CACNA1C: variants seen among roughly 807,000 people sequenced by gnomAD.
CACNA1C encodes voltage-dependent L-type calcium channel subunit alpha-1C.
A neutral mutation model predicts 229.0 loss-of-function variants in CACNA1C; 30 were observed. The ratio of observed to expected loss-of-function variants is 0.13; its 90% CI spans 0.10 to 0.18. The LOEUF is 0.18. CACNA1C is among the 10% of genes least tolerant of loss of function. CACNA1C has a pLI of 1.00. For synonymous variants in CACNA1C, 1,114 were observed against 1,132.5 expected (o/e 0.98, Z 0.33); for missense variants, 1,658 against 2,845.0 (o/e 0.58, Z 9.49).
chr12:2,522,737 G>A (rs564802571), intron 9 of CACNA1C, among the ~76,000 whole-genome samples: 1 of 152,258 alleles, frequency 6.6e-6, no homozygotes, highest in East Asian at 1.9e-4. Context: ...GGGGGCAGAG[G>A]AAGGACAGGG....
chr12:2,139,744 T>C (rs1287617606), intron 3 of CACNA1C, among the ~76,000 whole-genome samples: 3 of 151,252 alleles, frequency 2.0e-5, no homozygotes, highest in East Asian at 1.9e-4. Context: ...TTAGCACCAA[T>C]GCCTCCTCAT....
At position 2,161,034 on chromosome 12, in the gene CACNA1C, C is replaced by G. The variant is rs150688024; in HGVS notation, c.477+40604C>G. Reference sequence around the variant, plus strand: ...ACAGGGTTTCACCATGTTAGCCAGACTGGTCTCGAACTTCTGGCCTCGTGA... The same window carrying G: ...ACAGGGTTTCACCATGTTAGCCAGAGTGGTCTCGAACTTCTGGCCTCGTGA... On this transcript the variant is annotated intron_variant, in intron 3 of 46. Transcript: ENST00000399655. 2.5e-3 allele frequency among the ~76,000 whole-genome samples: 374 copies of G among 152,352 alleles called. 2 individuals carry two copies. The highest frequency in any genetic ancestry group is 8.6e-3 in the African/African-American group (357 of 41,582).
chr12:2,523,473 C>T (rs561153277), intron 9 of CACNA1C, among the ~76,000 whole-genome samples: 5 of 152,194 alleles, frequency 3.3e-5, no homozygotes, highest in Admixed American at 3.3e-4. Flanking sequence ...TTGGCAAGTA[C>T]GGTGTGAGGA....
intron 3 of CACNA1C, among the ~76,000 whole-genome samples, chr12:2,244,141 A>G (rs2154377466): frequency 6.6e-6 from 1 of 152,340 alleles, no homozygotes; most frequent in Admixed American, 6.5e-5. Flanking sequence ...GCTCAGATTC[A>G]TCTATCTGTT....
At chr12:2,327,263 C>A (rs186572428) in intron 3 of CACNA1C, among the ~76,000 whole-genome samples, 7 of 152,248 alleles carry the variant, frequency 4.6e-5, no homozygotes, top group Admixed American at 2.6e-4. Flanking sequence ...CTCAATTTTC[C>A]GCTAGCTTTG....
rs3062140 is a variant in CACNA1C at position 2,602,630 on chromosome 12, TTG to T, written c.2960+709_2960+710del. 0.063 allele frequency among the ~76,000 whole-genome samples: 8,924 copies of T among 140,742 alleles called. 313 individuals are homozygous for T. Among genetic ancestry groups the T allele is most frequent in the East Asian group, 0.14 (649 of 4,718 alleles). The allele number at this position is 140,742 out of a possible 152,430, so 92.3% of individuals were successfully genotyped here. On this transcript the variant is annotated intron_variant, in intron 22 of 46. Coordinates refer to ENST00000399655, the MANE Select transcript of CACNA1C (RefSeq NM_000719.7). The surrounding 1 kb of genome is among the most constrained non-coding windows in gnomAD (Gnocchi z 4.4). ...GTGTGTGACTGTGTATATTTGTGTCTTGTGTGTGTGTGTGTGTGTGTGTGTGT... is the reference window on the plus strand; with the variant it reads ...GTGTGTGACTGTGTATATTTGTGTCTTGTGTGTGTGTGTGTGTGTGTGTGT...
At chr12:2,366,035 A>C (rs2097710648) in intron 3 of CACNA1C, among the ~76,000 whole-genome samples, 1 of 152,252 alleles carries the variant, frequency 6.6e-6, no homozygotes, top group Admixed American at 6.5e-5. Flanking sequence ...ATTAATTTTT[A>C]ATGTTCCAAG....
chr12:2,668,865 C>T, intron 37 of CACNA1C, 68 bp from the exon 38 acceptor site: 1 of 991,672 alleles, frequency 1.0e-6, no homozygotes, highest in East Asian at 2.4e-5. Context: ...ATCACTCTGC[C>T]ACGGTGTTCT....
At chr12:2,121,187 A>G (rs1205323485) in intron 3 of CACNA1C, among the ~76,000 whole-genome samples, 1 of 152,166 alleles carries the variant, frequency 6.6e-6, no homozygotes, top group African/African-American at 2.4e-5. Flanking sequence ...CTCCCCCTCC[A>G]TTGCAGAGAC....
intron 3 of CACNA1C, among the ~76,000 whole-genome samples, chr12:2,176,678 C>T (rs2096654971): frequency 6.6e-6 from 1 of 152,102 alleles, no homozygotes; most frequent in Non-Finnish European, 1.5e-5. Flanking sequence ...AATTCCTAGG[C>T]ATAGCATTCT....
chr12:2,424,555 A>C (rs1251593352), intron 3 of CACNA1C, among the ~76,000 whole-genome samples: 2 of 152,160 alleles, frequency 1.3e-5, no homozygotes, highest in Non-Finnish European at 2.9e-5. Flanking sequence ...ACTTTGCAGA[A>C]AGCTCAGGCC....
In CACNA1C at chr12:2,486,485, C is replaced by T. The variant is rs530114828; in HGVS notation, c.916+223C>T. On this transcript the variant is annotated intron_variant, in intron 6 of 46. Coordinates refer to ENST00000399655, the MANE Select transcript of CACNA1C (RefSeq NM_000719.7). This position sits in a 1 kb window ranked among gnomAD's most constrained non-coding sequence, Gnocchi z 4.9. ...TGTTAAACCGGCCTAACGCAAACTT[C>T]GTTCAGCACTTTTCAATAAGCTACA... Among the ~76,000 whole-genome samples the T allele has an allele frequency of 1.3e-5, 2 of 152,312 alleles. No homozygotes were observed. The highest frequency in any genetic ancestry group is 2.1e-4 in the South Asian group (1 of 4,826).
At chr12:2,656,694 C>T (rs216047) in intron 34 of CACNA1C, among the ~76,000 whole-genome samples, 64,134 of 152,112 alleles carry the variant, frequency 0.42, 16,870 homozygotes, top group African/African-American at 0.75. Context: ...TACAAAGCTA[C>T]AGTAACCAAA....
At chr12:2,503,863 C>T in intron 7 of CACNA1C, among the ~76,000 whole-genome samples, 1 of 152,368 alleles carries the variant, frequency 6.6e-6, no homozygotes, top group South Asian at 2.1e-4. Flanking sequence ...GATTGCCTCT[C>T]CCAGCCGGTG....
chr12:2,128,719 A>G (rs1459575676), intron 3 of CACNA1C, among the ~76,000 whole-genome samples: 1 of 152,184 alleles, frequency 6.6e-6, no homozygotes, highest in East Asian at 1.9e-4. Flanking sequence ...CCAGGTAAAT[A>G]CATTATTATA....
At chr12:2,439,209 C>A (rs530948660) in intron 3 of CACNA1C, among the ~76,000 whole-genome samples, 1 of 152,208 alleles carries the variant, frequency 6.6e-6, no homozygotes, top group Non-Finnish European at 1.5e-5. Flanking sequence ...CTGCCCTGGG[C>A]AGGTGGCTGG....
At chr12:2,296,167 C>T (rs2094018829) in intron 3 of CACNA1C, among the ~76,000 whole-genome samples, 1 of 152,164 alleles carries the variant, frequency 6.6e-6, no homozygotes, top group Non-Finnish European at 1.5e-5. Flanking sequence ...GATGAGTGAG[C>T]ACAAATGTTT....
intron 1 of CACNA1C, among the ~76,000 whole-genome samples, chr12:2,103,114 T>C (rs1412499175): frequency 6.6e-6 from 1 of 152,258 alleles, no homozygotes; most frequent in African/African-American, 2.4e-5. Flanking sequence ...ATGGGATTGC[T>C]GGGTCAAATG....
chr12:2,449,216 AT>A, intron 4 of CACNA1C, 101 bp downstream of exon 4: 1 of 846,952 alleles, frequency 1.2e-6, no homozygotes, highest in Non-Finnish European at 1.7e-6. Context: ...GGCCACAAAG[AT>A]TTAGGCTCGC....
Sources: gnomAD v4.1 joint callset for allele counts (sites outside exome capture counted in the v4.1 genomes callset) on GRCh38, gnomAD v4.1.1 for gene constraint, Gnocchi (gnomAD v3.1) non-coding constraint, MANE v1.5 for transcripts, NCBI Gene and HGNC (gene_info 2026-07-23, HGNC 2026-07-21) for gene names.